The following ST8SIA1 variants were observed in gnomAD, a reference collection of about 807,000 sequenced individuals.
The protein encoded by ST8SIA1 is alpha-N-acetylneuraminide alpha-2,8-sialyltransferase.
In ST8SIA1, 16 loss-of-function variants were observed where a neutral mutation model predicts 35.9. The ratio of observed to expected loss-of-function variants is 0.45; its 90% CI spans 0.30 to 0.68. The LOEUF is 0.68. Ranked by LOEUF, ST8SIA1 falls within the 30% of genes least tolerant of loss-of-function variation. The pLI is 0.09. For synonymous variants in ST8SIA1, 170 were observed against 169.6 expected (o/e 1.00, Z -0.02); for missense variants, 383 against 453.6 (o/e 0.84, Z 1.41).
intron 4 of ST8SIA1, among the ~76,000 whole-genome samples, chr12:22,228,105 G>A (rs1253250801): frequency 6.6e-6 from 1 of 152,238 alleles, no homozygotes; most frequent in Non-Finnish European, 1.5e-5. Context: ...GCAGTTTTGT[G>A]TATTGTGAAG....
intron 1 of ST8SIA1, among the ~76,000 whole-genome samples, chr12:22,289,411 G>A (rs764737674): frequency 1.3e-5 from 2 of 152,116 alleles, no homozygotes; most frequent in Non-Finnish European, 2.9e-5. Context: ...GCAGAGTCCA[G>A]GCTTTCTCCT....
intron 1 of ST8SIA1, among the ~76,000 whole-genome samples, chr12:22,321,779 A>G (rs1866605427): frequency 6.6e-6 from 1 of 152,110 alleles, no homozygotes; most frequent in Non-Finnish European, 1.5e-5. Context: ...TTTTACCCCA[A>G]ATTGAGACTC....
chr12:22,261,204 C>A (rs1228839268), intron 2 of ST8SIA1, among the ~76,000 whole-genome samples: 3 of 151,914 alleles, frequency 2.0e-5, no homozygotes, highest in Non-Finnish European at 2.9e-5. Flanking sequence ...GAGTGCAGTG[C>A]CGCAATCTTG....
At chr12:22,257,660 T>TA (rs1475461092) in intron 2 of ST8SIA1, among the ~76,000 whole-genome samples, 11 of 151,550 alleles carry the variant, frequency 7.3e-5, no homozygotes, top group Non-Finnish European at 1.5e-4. Flanking sequence ...AAAACATTCC[T>TA]GGGATGGGAA....
chr12:22,313,702 A>T (rs1464206930), intron 1 of ST8SIA1, among the ~76,000 whole-genome samples: 1 of 152,184 alleles, frequency 6.6e-6, no homozygotes, highest in Non-Finnish European at 1.5e-5. Flanking sequence ...TTTTACGCTA[A>T]TGATTTTAAC....
intron 2 of ST8SIA1, among the ~76,000 whole-genome samples, chr12:22,269,592 A>G (rs890274998): frequency 6.6e-6 from 1 of 152,156 alleles, no homozygotes; most frequent in African/African-American, 2.4e-5. Context: ...AATGTTGAAT[A>G]TTTTAGGTTA....
At chr12:22,280,620 A>G (rs1229152679) in intron 2 of ST8SIA1, among the ~76,000 whole-genome samples, 1 of 152,240 alleles carries the variant, frequency 6.6e-6, no homozygotes. Context: ...TCAACCATAG[A>G]CAACCTGCAA....
intron 4 of ST8SIA1, among the ~76,000 whole-genome samples, chr12:22,204,449 C>A (rs1046409059): frequency 3.9e-5 from 6 of 152,168 alleles, no homozygotes; most frequent in African/African-American, 1.4e-4. Context: ...CCTTCTAGAG[C>A]AGTTAGGATA....
In ST8SIA1 at chr12:22,201,853, C is replaced by T. The variant is rs745747495; in HGVS notation, c.770G>A (p.Arg257His). The T allele has an allele frequency of 4.3e-5, 70 of 1,613,978 alleles. No individual in the cohort carries two copies. The highest frequency in any genetic ancestry group is 1.6e-4 in the Middle Eastern group (1 of 6,084). The change falls in exon 5 of 5, where the codon CGT becomes CAT. Residue 257 changes from arginine to histidine, a missense_variant. Physicochemically the swap from Arg to His is conservative, Grantham distance 29. Coordinates refer to ENST00000396037, the MANE Select transcript of ST8SIA1 (RefSeq NM_003034.4). ...TVLFANPNFL[R>H]SIGKFWKSRG... ...ACTTTTCCAGAACTTTCCAATGCTACGCAGAAAGTTGGGGTTGGCAAACAG... is the reference window on the plus strand; with the variant it reads ...ACTTTTCCAGAACTTTCCAATGCTATGCAGAAAGTTGGGGTTGGCAAACAG...
At chr12:22,229,574 C>T (rs1865393275) in intron 4 of ST8SIA1, among the ~76,000 whole-genome samples, 1 of 146,624 alleles carries the variant, frequency 6.8e-6, no homozygotes, top group Non-Finnish European at 1.5e-5. Context: ...TGTGATGGCA[C>T]CACTGCACTC....
At chr12:22,225,732 CCTT>C (rs1432697495) in intron 4 of ST8SIA1, among the ~76,000 whole-genome samples, 7 of 152,134 alleles carry the variant, frequency 4.6e-5, no homozygotes, top group Non-Finnish European at 1.0e-4. Context: ...CCATAAAAAG[CCTT>C]CTCCTTGCAT....
rs58708200 is a variant in ST8SIA1 at position 22,264,272 on chromosome 12, A to C, written c.382-8883T>G. Among the ~76,000 whole-genome samples, 453 of 152,172 alleles carry C rather than the reference A, an allele frequency of 3.0e-3. 21 individuals are homozygous for C. The East Asian group carries it at 0.075, about 25-fold the overall frequency. ...ATTGCACTGCCCTGCTCCAGGACCT[A>C]ATTACATTCTAACCAGTGCACCAAT... On this transcript the variant is annotated intron_variant, in intron 2 of 4. Transcript: ENST00000396037.
chr12:22,306,578 G>C (rs1004983584), intron 1 of ST8SIA1, among the ~76,000 whole-genome samples: 3 of 152,094 alleles, frequency 2.0e-5, no homozygotes, highest in Non-Finnish European at 4.4e-5. Flanking sequence ...TCAGTAATCT[G>C]ACATCATTCT....
At chr12:22,210,063 T>C (rs1178866408) in intron 4 of ST8SIA1, among the ~76,000 whole-genome samples, 2 of 152,192 alleles carry the variant, frequency 1.3e-5, no homozygotes, top group Non-Finnish European at 2.9e-5. Context: ...AAATAAATTA[T>C]GTTATATCCA....
chr12:22,251,933 T>C (rs977809606), intron 3 of ST8SIA1, among the ~76,000 whole-genome samples: 1 of 152,192 alleles, frequency 6.6e-6, no homozygotes, highest in Non-Finnish European at 1.5e-5. Context: ...TGAGCATAAT[T>C]CAAAAGGCAC....
chr12:22,282,032 A>C (rs1246005678), intron 2 of ST8SIA1, among the ~76,000 whole-genome samples: 1 of 152,166 alleles, frequency 6.6e-6, no homozygotes, highest in Admixed American at 6.5e-5. Context: ...AATAAAAATA[A>C]ATTTAAAAAA....
chr12:22,278,915 C>A lies in ST8SIA1; in HGVS notation c.381+8234G>T, dbSNP rs187280369. Among the ~76,000 whole-genome samples the A allele has an allele frequency of 2.8e-3, 431 of 152,300 alleles. 5 individuals are homozygous for A. The highest frequency in any genetic ancestry group is 0.01 in the African/African-American group (421 of 41,556). On this transcript the variant is annotated intron_variant, in intron 2 of 4. Transcript: ENST00000396037. ...TGCCCATCTATCCTAAATTTTCTCA[C>A]CACACTTATCCACTTACCTATTTTT...
intron 2 of ST8SIA1, among the ~76,000 whole-genome samples, chr12:22,263,386 T>C (rs1276497380): frequency 6.6e-6 from 1 of 152,202 alleles, no homozygotes; most frequent in Non-Finnish European, 1.5e-5. Flanking sequence ...CTTCTGCCAC[T>C]CCCTAGTTCC....
chr12:22,202,124 G>T, intron 4 of ST8SIA1, 86 bp from the exon 5 acceptor site: 1 of 1,222,670 alleles, frequency 8.2e-7, no homozygotes, highest in Non-Finnish European at 1.1e-6. Context: ...TGGTGGCCCT[G>T]ATACCTCAAA....
Sources: allele counts gnomAD v4.1 joint callset (sites outside exome capture counted in the v4.1 genomes callset), GRCh38; gene constraint gnomAD v4.1.1; transcripts MANE v1.5; gene names NCBI Gene and HGNC (gene_info 2026-07-23, HGNC 2026-07-21).